Variants in RAPGEF3 observed in about 807,000 individuals in gnomAD.
RAPGEF3 encodes the protein Rap guanine nucleotide exchange factor 3, also known as 9330170P05Rik.
RAPGEF3 carries 103 observed loss-of-function variants against 129.8 expected under a neutral mutation model. That is an observed-to-expected ratio of 0.79 (90% CI 0.68 to 0.93). The LOEUF is 0.93. RAPGEF3 is among the 40% of genes least tolerant of loss of function. RAPGEF3 has a pLI of 0.00. For synonymous variants in RAPGEF3, 436 were observed against 482.6 expected, an observed-to-expected ratio of 0.90 and a Z score of 1.26; for missense variants, 1,117 against 1,207.4, an observed-to-expected ratio of 0.93 and a Z score of 1.11.
intron 2 of RAPGEF3, among the ~76,000 whole-genome samples, chr12:47,757,523 C>T (rs1461624799): frequency 2.0e-5 from 3 of 152,186 alleles, no homozygotes; most frequent in African/African-American, 7.2e-5. Context: ...AACCCATTGA[C>T]CCGGCCCCCA....
At chr12:47,746,500 G>A (rs1941423781) in intron 16 of RAPGEF3, 1 of 600,450 alleles carries the variant, frequency 1.7e-6, no homozygotes, top group Non-Finnish European at 2.9e-6. Context: ...GCCTTCCTCT[G>A]AGCTCCCACA....
At chr12:47,748,583 C>T in intron 11 of RAPGEF3, 41 bp from the exon 12 acceptor site, 1 of 1,489,534 alleles carries the variant, frequency 6.7e-7, no homozygotes. Flanking sequence ...TGCCACTACT[C>T]CCCACTCCCA....
chr12:47,757,896 C>A lies in RAPGEF3; in HGVS notation c.189G>T (p.Gln63His). Residue 63 changes from glutamine (Q) to histidine (H), a missense_variant, in exon 2 of 28, where the codon CAG becomes CAT. Transcript: ENST00000449771. ...SCSYQLLLEHQRPSCIQGLRW... is the reference protein window; with the variant it reads ...SCSYQLLLEHHRPSCIQGLRW... ...GCAGCCCCTGGATGCAGCTCGGACG[C>A]TGGTGCTCCAGCAGCAGCTGGTAGG... The A allele has an allele frequency of 6.4e-7, 1 of 1,556,562 alleles. No individual in the cohort carries two copies. The highest frequency in any genetic ancestry group is 1.2e-5 in the South Asian group (1 of 84,464).
In RAPGEF3 at chr12:47,752,095, C is replaced by G. The variant is rs1941788187; in HGVS notation, c.220-126G>C. 70 of 981,386 alleles carry G rather than the reference C, an allele frequency of 7.1e-5. 3 individuals carry two copies. In the South Asian group the frequency reaches 9.4e-4, roughly 13 times the overall value. The allele number at this position is 981,386 out of a possible 1,614,324, so 60.8% of individuals were successfully genotyped here. ...AACCCCAAATGCATCCATGTGGCCA[C>G]TCCTTCAGCAAATAAACAAATATTC... On this transcript the variant is annotated intron_variant, in intron 2 of 27. Transcript: ENST00000449771.
chr12:47,737,766 T>C (rs1940869672), intron 27 of RAPGEF3, 81 bp from the exon 28 acceptor site: 2 of 1,345,446 alleles, frequency 1.5e-6, no homozygotes, highest in South Asian at 1.2e-5. Flanking sequence ...CCATATCACA[T>C]CTGCCTTCTT....
rs749684221 is a variant in RAPGEF3 at position 47,749,961 on chromosome 12, G to T, written c.786C>A (p.Leu262=). The T allele has an allele frequency of 7.4e-6, 12 of 1,614,138 alleles. No individual in the cohort carries two copies. The highest frequency in any genetic ancestry group is 4.0e-5 in the African/African-American group (3 of 74,944). ...SVKRELAAVL[L]FEPHSKAGTV... ...TCCCTGCCTTGCTGTGTGGTTCAAA[G>T]AGCAGAACAGCCGCTAATTCTCGCT... Residue 262 remains leucine (L), a synonymous_variant, in exon 8 of 28, where the codon CTC becomes CTA. Transcript: ENST00000449771. The surrounding 1 kb of genome is among the most constrained non-coding windows in gnomAD (Gnocchi z 4.5).
chr12:47,748,248 C>CTGG (rs1404865728), intron 12 of RAPGEF3, 96 bp from the exon 13 acceptor site: 2 of 1,117,492 alleles, frequency 1.8e-6, no homozygotes, highest in Non-Finnish European at 2.6e-6. Context: ...CCCCACATCC[C>CTGG]ACCACCTGCA....
rs1173818900 is a variant in RAPGEF3 at position 47,738,672 on chromosome 12, T to G, written c.2526+18A>C. The G allele has an allele frequency of 5.1e-6, 8 of 1,583,974 alleles. No individual in the cohort carries two copies. Among genetic ancestry groups the G allele is most frequent in the African/African-American group, 4.0e-5 (3 of 74,230 alleles). On this transcript the variant is annotated intron_variant, in intron 25 of 27. Coordinates refer to ENST00000449771, the MANE Select transcript of RAPGEF3 (RefSeq NM_001098531.4). ...CCAACCTATGTTAGTAGTGAATGCCTGCTCTCCCTGGACTCACCATCTTCT... is the reference window on the plus strand; with the variant it reads ...CCAACCTATGTTAGTAGTGAATGCCGGCTCTCCCTGGACTCACCATCTTCT...
intron 2 of RAPGEF3, among the ~76,000 whole-genome samples, chr12:47,753,708 T>A (rs1941891187): frequency 6.6e-6 from 1 of 152,218 alleles, no homozygotes; most frequent in Non-Finnish European, 1.5e-5. Context: ...AAACAGTGCC[T>A]GAGTGCTAAT....
rs374117183 is a variant in RAPGEF3 at position 47,743,511 on chromosome 12, A to T, written c.1825+19T>A. ...GAGGGGCCACCCTCCCTTGGGGTCTATCCAGGGGCACAACTCACCACCTGC... is the reference window on the plus strand; with the variant it reads ...GAGGGGCCACCCTCCCTTGGGGTCTTTCCAGGGGCACAACTCACCACCTGC... On this transcript the variant is annotated intron_variant, in intron 18 of 27. Coordinates refer to ENST00000449771, the MANE Select transcript of RAPGEF3 (RefSeq NM_001098531.4). 3 of 1,610,190 alleles carry T rather than the reference A, an allele frequency of 1.9e-6. No homozygotes were observed. The highest frequency in any genetic ancestry group is 2.2e-5 in the South Asian group (2 of 90,866).
chr12:47,747,727 G>A lies in RAPGEF3; in HGVS notation c.1458C>T (p.Ala486=), dbSNP rs773942309. 6.2e-6 allele frequency: 10 copies of A among 1,610,682 alleles called. No homozygotes were observed. The African/African-American group carries it at 9.3e-5, about 15-fold the overall frequency. ...YGSMLHTDPV[A]TSFLQKLSDL... ...TCCCAGGTACCTGGAGGAAGCTGGTGGCCACAGGGTCAGTGTGGAGCATGG... is the reference window on the plus strand; with the variant it reads ...TCCCAGGTACCTGGAGGAAGCTGGTAGCCACAGGGTCAGTGTGGAGCATGG... The change falls in exon 14 of 28, where the codon GCC becomes GCT. Residue 486 remains alanine (A), a synonymous_variant. Coordinates refer to ENST00000449771, the MANE Select transcript of RAPGEF3 (RefSeq NM_001098531.4).
Position 47,758,040 on chromosome 12 carries a change from C to CT in RAPGEF3, c.44_45insA (p.Ala16GlyfsTer5). 1 of 1,574,824 alleles carries CT rather than the reference C, an allele frequency of 6.3e-7. No homozygotes were observed. The highest frequency in any genetic ancestry group is 8.6e-7 in the Non-Finnish European group (1 of 1,160,032). On this transcript the variant is annotated frameshift_variant, in exon 2 of 28. Transcript: ENST00000449771. LOFTEE classifies it high-confidence loss of function. ...CCAGAGCTGGGCTATCCTCCACAGCCAGGCCCACCTGCCAGCAGCTCTCAC... is the reference window on the plus strand; with the variant it reads ...CCAGAGCTGGGCTATCCTCCACAGCCTAGGCCCACCTGCCAGCAGCTCTCAC...
At chr12:47,746,715 C>T in intron 16 of RAPGEF3, 145 bp downstream of exon 16, 2 of 974,736 alleles carry the variant, frequency 2.1e-6, no homozygotes, top group Non-Finnish European at 3.2e-6. Context: ...GCAGCAAGGG[C>T]CCCGTGAACA....
intron 13 of RAPGEF3, 63 bp from the exon 14 acceptor site, chr12:47,747,925 G>C: frequency 6.3e-7 from 1 of 1,593,910 alleles, no homozygotes; most frequent in Non-Finnish European, 8.5e-7. Flanking sequence ...GCAAAGGAGG[G>C]GCAGGATGCC....
intron 15 of RAPGEF3, 116 bp from the exon 16 acceptor site, chr12:47,747,015 C>G (rs73304403): frequency 1.0e-6 from 1 of 973,464 alleles, no homozygotes. Flanking sequence ...GAGGTAAGCA[C>G]GACCAGGTAA....
chr12:47,748,735 A>C lies in RAPGEF3; in HGVS notation c.1154+84T>G, dbSNP rs1941576021. Reference sequence around the variant, plus strand: ...CTCCATCCACAAGTGGCCAGAGGGCAGGGATATGACACAGGGGAAGGGAGC... The same window carrying C: ...CTCCATCCACAAGTGGCCAGAGGGCCGGGATATGACACAGGGGAAGGGAGC... On this transcript the variant is annotated intron_variant, in intron 11 of 27. Coordinates refer to ENST00000449771, the MANE Select transcript of RAPGEF3 (RefSeq NM_001098531.4). 5.2e-6 allele frequency: 6 copies of C among 1,164,402 alleles called. No homozygotes were observed. The South Asian group carries it at 7.6e-5, about 15-fold the overall frequency. The allele number at this position is 1,164,402 out of a possible 1,614,324, so 72.1% of individuals were successfully genotyped here. A position where few individuals can be genotyped will look rare whatever the true frequency, so the allele number is the denominator to read the frequency against.
chr12:47,745,066 T>G (rs1272309223), intron 16 of RAPGEF3: 1 of 152,798 alleles, frequency 6.5e-6, no homozygotes, highest in African/African-American at 2.4e-5. Flanking sequence ...TCCTCCACAC[T>G]TCCGTAGCTT....
Position 47,749,815 on chromosome 12 carries a change from A to G in RAPGEF3, c.820T>C (p.Phe274Leu). The G allele has an allele frequency of 6.2e-7, 1 of 1,614,214 alleles. No individual in the cohort carries two copies. Among genetic ancestry groups the G allele is most frequent in the Non-Finnish European group, 8.5e-7 (1 of 1,180,034 alleles). The change falls in exon 9 of 28, where the codon TTC becomes CTC. Residue 274 changes from phenylalanine to leucine, a missense_variant and splice_region_variant. This residue lies in a region of RAPGEF3 where 367 missense variants were observed against 373.4 expected (regional missense o/e 0.98). Coordinates refer to ENST00000449771, the MANE Select transcript of RAPGEF3 (RefSeq NM_001098531.4). The surrounding 1 kb of genome is among the most constrained non-coding windows in gnomAD (Gnocchi z 4.5). ...EPHSKAGTVL[F>L]SQGDKGTSWY... Reference sequence around the variant, plus strand: ...GAAGTGCCCTTGTCCCCCTGGCTGAACACTGACAGAAGCATACCTCAGACC... The same window carrying G: ...GAAGTGCCCTTGTCCCCCTGGCTGAGCACTGACAGAAGCATACCTCAGACC...
At chr12:47,746,545 G>A (rs1380931285) in intron 16 of RAPGEF3, 3 of 662,284 alleles carry the variant, frequency 4.5e-6, no homozygotes, top group Non-Finnish European at 8.1e-6. Context: ...GGCCTCAGGG[G>A]CCAACTCCAG....
Sources: allele counts gnomAD v4.1 joint callset (sites outside exome capture counted in the v4.1 genomes callset), GRCh38; gene constraint gnomAD v4.1.1; regional missense constraint gnomAD v4.1.1; non-coding constraint Gnocchi (gnomAD v3.1); transcripts MANE v1.5; gene names NCBI Gene and HGNC (gene_info 2026-07-23, HGNC 2026-07-21).